The following ARFGAP1 variants were observed in gnomAD, a reference collection of about 807,000 sequenced individuals.
ARFGAP1 encodes ADP-ribosylation factor GTPase-activating protein 1.
A neutral mutation model predicts 54.0 loss-of-function variants in ARFGAP1; 26 were observed. That is an observed-to-expected ratio of 0.48 (90% CI 0.35 to 0.67). ARFGAP1 has a LOEUF of 0.67. Ranked by LOEUF, ARFGAP1 falls within the 30% of genes least tolerant of loss-of-function variation. The probability of loss-of-function intolerance (pLI) is 0.00; values close to 1 mark genes in which losing one functional copy is unlikely to be tolerated. For synonymous variants in ARFGAP1, 248 were observed against 211.9 expected (o/e 1.17, Z -1.48); for missense variants, 525 against 535.8 (o/e 0.98, Z 0.20).
rs921501588 is a variant in ARFGAP1, at chr20:63,288,074, G to A, written c.*201G>A. 2.7e-4 allele frequency: 174 copies of A among 654,094 alleles called. 2 individuals carry two copies. In the East Asian group the frequency reaches 4.7e-3, roughly 18 times the overall value. The allele number at this position is 654,094 out of a possible 1,614,324, so 40.5% of individuals were successfully genotyped here. On this transcript the variant is annotated 3_prime_UTR_variant, in exon 13 of 13. Coordinates refer to ENST00000370283, the MANE Select transcript of ARFGAP1 (RefSeq NM_018209.4). ...CTTCGGTGCGTGGGGGCGGCTTGCT[G>A]TCCAGCCTGTGTGGGGGCCGTCCCG...
At chr20:63,284,960 TCACTC>T (rs745817073) in intron 10 of ARFGAP1, 38 bp downstream of exon 10, 1 of 1,606,624 alleles carries the variant, frequency 6.2e-7, no homozygotes, top group Admixed American at 1.7e-5. Context: ...CTGGAGCCCT[TCACTC>T]CAGGGGACGT....
chr20:63,277,167 G>T (rs376153945), intron 4 of ARFGAP1, 38 bp from the exon 5 acceptor site: 1 of 1,574,982 alleles, frequency 6.3e-7, no homozygotes, highest in African/African-American at 1.4e-5. Context: ...ATCGCCAGGC[G>T]CCTTTATGCT....
chr20:63,275,113 G>A (rs2067199897), intron 1 of ARFGAP1, among the ~76,000 whole-genome samples: 1 of 152,238 alleles, frequency 6.6e-6, no homozygotes, highest in Admixed American at 6.5e-5. Flanking sequence ...GTGGTGGGGA[G>A]GGTGGAGCGC....
At chr20:63,284,148 C>A (rs1963545101) in intron 9 of ARFGAP1, 1 of 1,329,134 alleles carries the variant, frequency 7.5e-7, no homozygotes, top group Non-Finnish European at 9.6e-7. Context: ...ACACACAGAC[C>A]CCCAACGCAG....
intron 5 of ARFGAP1, 146 bp from the exon 6 acceptor site, chr20:63,277,971 A>T: frequency 1.5e-6 from 1 of 669,566 alleles, no homozygotes. Flanking sequence ...AGCCACTCAG[A>T]GCTGAAGGCC....
intron 8 of ARFGAP1, among the ~76,000 whole-genome samples, chr20:63,281,884 A>T (rs1425143425): frequency 6.6e-6 from 1 of 152,048 alleles, no homozygotes; most frequent in East Asian, 1.9e-4. Flanking sequence ...TTACAGGAGA[A>T]GGGGAAGCCC....
Position 63,285,343 on chromosome 20 carries a change from C to T in ARFGAP1, c.775-311C>T, listed in dbSNP as rs1012305747. 15 of 513,086 alleles carry T rather than the reference C, an allele frequency of 2.9e-5. No individual in the cohort carries two copies. In the East Asian group the frequency reaches 4.9e-4, roughly 17 times the overall value. 31.8% of individuals were successfully genotyped at this position (513,086 alleles called of 1,614,324 possible). On this transcript the variant is annotated intron_variant, in intron 10 of 12. Coordinates refer to ENST00000370283, the MANE Select transcript of ARFGAP1 (RefSeq NM_018209.4). ...AAGAGCCCCGCCAGCTCCCTGCCTCCTTCGGGGCCTGACTGGGACAAGTGG... is the reference window on the plus strand; with the variant it reads ...AAGAGCCCCGCCAGCTCCCTGCCTCTTTCGGGGCCTGACTGGGACAAGTGG...
At position 63,286,566 on chromosome 20, in the gene ARFGAP1, C is replaced by G. The variant is rs549914249; in HGVS notation, c.911+124C>G. 4.2e-6 allele frequency: 4 copies of G among 945,976 alleles called. No homozygotes were observed. The Admixed American group carries it at 7.5e-5, about 18-fold the overall frequency. 58.6% of individuals were successfully genotyped at this position (945,976 alleles called of 1,614,324 possible). The stretch of plus-strand genomic sequence containing the variant: ...GGGAAGGGGCACTGTGGAGGCTCTC[C>G]GGGAGGTGGCTGGCATCCTTGCTGG... On this transcript the variant is annotated intron_variant, in intron 12 of 12. Transcript: ENST00000370283.
chr20:63,282,600 C>T (rs1159535935), intron 8 of ARFGAP1, among the ~76,000 whole-genome samples: 1 of 152,236 alleles, frequency 6.6e-6, no homozygotes, highest in African/African-American at 2.4e-5. Context: ...CAATAGCACA[C>T]CGAGCTGGCC....
intron 7 of ARFGAP1, chr20:63,279,199 C>CA: frequency 5.4e-6 from 3 of 557,508 alleles, no homozygotes; most frequent in East Asian, 3.6e-5. Context: ...CAATCACTTC[C>CA]TTTTTTTTTT....
chr20:63,288,106 A>G lies in ARFGAP1; in HGVS notation c.*233A>G, dbSNP rs1371543759. The G allele has an allele frequency of 3.3e-6, 2 of 607,212 alleles. No homozygotes were observed. Among genetic ancestry groups the G allele is most frequent in the Non-Finnish European group, 2.9e-6 (1 of 342,542 alleles). 37.6% of individuals were successfully genotyped at this position (607,212 alleles called of 1,614,324 possible). A position where few individuals can be genotyped will look rare whatever the true frequency, so the allele number is the denominator to read the frequency against. ...CTGTGTGGGGGCCGTCCCGTCCCAC[A>G]CTCCCCTGGGCATTCTTGGACTCAA... On this transcript the variant is annotated 3_prime_UTR_variant, in exon 13 of 13. Coordinates refer to ENST00000370283, the MANE Select transcript of ARFGAP1 (RefSeq NM_018209.4).
Position 63,287,747 on chromosome 20 carries a change from G to C in ARFGAP1, c.1095G>C (p.Glu365Asp). The C allele has an allele frequency of 6.2e-7, 1 of 1,610,748 alleles. No individual in the cohort carries two copies. Among genetic ancestry groups the C allele is most frequent in the Non-Finnish European group, 8.5e-7 (1 of 1,179,210 alleles). ...AGAGGAGGAGCTCGGACAGCTGGGA[G>C]GTGTGGGGCTCGGCCTCCACCAACA... ...STERRSSDSWEVWGSASTNRN... is the reference protein window; with the variant it reads ...STERRSSDSWDVWGSASTNRN... The change falls in exon 13 of 13, where the codon GAG becomes GAC. Residue 365 changes from glutamate to aspartate, a missense_variant. This residue lies in a region of ARFGAP1 where 466 missense variants were observed against 453.6 expected (regional missense o/e 1.03). Transcript: ENST00000370283.
At position 63,278,806 on chromosome 20, in the gene ARFGAP1, A is replaced by G. The variant is rs1356919613; in HGVS notation, c.531-93A>G. The G allele has an allele frequency of 3.2e-6, 4 of 1,230,874 alleles. No homozygotes were observed. In the Admixed American group the frequency reaches 7.6e-5, roughly 24 times the overall value. The allele number at this position is 1,230,874 out of a possible 1,614,324, so 76.2% of individuals were successfully genotyped here. A position where few individuals can be genotyped will look rare whatever the true frequency, so the allele number is the denominator to read the frequency against. ...GTGGGGACGTTGGCACGTCCCCCAG[A>G]GCCCCAGCCTTGCCTGTGTTCAGGG... On this transcript the variant is annotated intron_variant, in intron 6 of 12. Coordinates refer to ENST00000370283, the MANE Select transcript of ARFGAP1 (RefSeq NM_018209.4).
intron 2 of ARFGAP1, 97 bp downstream of exon 2, chr20:63,275,737 G>C: frequency 2.5e-6 from 3 of 1,201,222 alleles, no homozygotes; most frequent in Non-Finnish European, 3.7e-6. Context: ...GGACCCTCCT[G>C]CAGTGGATGG....
rs764588620 is a variant in ARFGAP1 at position 63,278,109 on chromosome 20, G to A, written c.444-8G>A. On this transcript the variant is annotated splice_polypyrimidine_tract_variant and splice_region_variant and intron_variant, in intron 5 of 12. Transcript: ENST00000370283. Reference sequence around the variant, plus strand: ...TTGGCCTTACCAGCCTTCGATTCTCGGTTTCAGAGTCTCTGGCCAGCCGCA... The same window carrying A: ...TTGGCCTTACCAGCCTTCGATTCTCAGTTTCAGAGTCTCTGGCCAGCCGCA... The A allele has an allele frequency of 1.6e-5, 26 of 1,613,276 alleles. No individual in the cohort carries two copies. Among genetic ancestry groups the A allele is most frequent in the South Asian group, 7.7e-5 (7 of 91,052 alleles).
intron 11 of ARFGAP1, 132 bp from the exon 12 acceptor site, chr20:63,286,234 G>A (rs1349870699): frequency 6.5e-7 from 1 of 1,548,506 alleles, no homozygotes; most frequent in Non-Finnish European, 8.7e-7. Context: ...TGTGTGCGAG[G>A]CACCCCTTGT....
At chr20:63,281,825 G>T (rs956949802) in intron 8 of ARFGAP1, among the ~76,000 whole-genome samples, 1 of 152,200 alleles carries the variant, frequency 6.6e-6, no homozygotes, top group African/African-American at 2.4e-5. Context: ...CCCAAGAGCA[G>T]GCCTGACACC....
At chr20:63,280,896 G>A (rs2123260523) in intron 7 of ARFGAP1, among the ~76,000 whole-genome samples, 1 of 152,334 alleles carries the variant, frequency 6.6e-6, no homozygotes, top group East Asian at 1.9e-4. Context: ...CCTGAGCATA[G>A]ATGAAGGAGA....
intron 12 of ARFGAP1, among the ~76,000 whole-genome samples, chr20:63,287,090 A>G (rs1410149551): frequency 6.6e-6 from 1 of 152,210 alleles, no homozygotes; most frequent in African/African-American, 2.4e-5. Context: ...GGTGGGCCCA[A>G]ATTTTCCCTG....
Sources: allele counts gnomAD v4.1 joint callset (sites outside exome capture counted in the v4.1 genomes callset), GRCh38; gene constraint gnomAD v4.1.1; regional missense constraint gnomAD v4.1.1; transcripts MANE v1.5; gene names NCBI Gene and HGNC (gene_info 2026-07-23, HGNC 2026-07-21).